The following F13A1 variants were observed in gnomAD, a reference collection of about 807,000 sequenced individuals.
F13A1 encodes the protein FSF, A subunit.
Under a neutral mutation model 80.1 loss-of-function variants are expected in F13A1, and 47 were observed. The ratio of observed to expected loss-of-function variants is 0.59; its 90% CI spans 0.46 to 0.75. The LOEUF (loss-of-function observed/expected upper bound fraction) is 0.75. Among genes scored for constraint, F13A1 ranks in the 30% least tolerant of loss-of-function variants. The probability of loss-of-function intolerance (pLI) is 0.00; values close to 1 mark genes in which losing one functional copy is unlikely to be tolerated. For missense variants in F13A1, 817 were observed against 930.4 expected (o/e 0.88, Z 1.59); for synonymous variants, 349 against 344.9 (o/e 1.01, Z -0.13).
At chr6:6,153,301 A>ATCTTCTCTG (rs1760412585) in intron 13 of F13A1, among the ~76,000 whole-genome samples, 1 of 152,234 alleles carries the variant, frequency 6.6e-6, no homozygotes, top group Non-Finnish European at 1.5e-5. Flanking sequence ...CCCAGAGAAG[A>ATCTTCTCTG]GGACCCTTGC....
chr6:6,281,762 G>A (rs1023608789), intron 3 of F13A1, among the ~76,000 whole-genome samples: 1 of 151,976 alleles, frequency 6.6e-6, no homozygotes, highest in African/African-American at 2.4e-5. Context: ...GGGAGGCCAA[G>A]GCAGGCAGAT....
intron 7 of F13A1, among the ~76,000 whole-genome samples, chr6:6,224,220 A>T (rs911810417): frequency 1.3e-5 from 2 of 152,228 alleles, no homozygotes; most frequent in Non-Finnish European, 2.9e-5. Context: ...AATACCTTCC[A>T]TAACTGGGAT....
intron 3 of F13A1, among the ~76,000 whole-genome samples, chr6:6,274,064 T>C (rs915064336): frequency 9.9e-5 from 15 of 152,238 alleles, no homozygotes; most frequent in African/African-American, 3.1e-4. Flanking sequence ...TATTTCCAGA[T>C]GTTTCCTAAA....
At chr6:6,252,820 C>A (rs140410450) in intron 4 of F13A1, among the ~76,000 whole-genome samples, 8 of 152,194 alleles carry the variant, frequency 5.3e-5, no homozygotes, top group South Asian at 2.1e-4. Context: ...AGTTTTGGAA[C>A]TTTGCATGCT....
rs558091259 is a variant in F13A1 at position 6,180,297 on chromosome 6, C to A, written c.1459+1691G>T. Among the ~76,000 whole-genome samples, 9 of 152,326 alleles carry A rather than the reference C, an allele frequency of 5.9e-5. No individual in the cohort carries two copies. In the East Asian group the frequency reaches 1.5e-3, roughly 26 times the overall value. On this transcript the variant is annotated intron_variant, in intron 11 of 14. Coordinates refer to ENST00000264870, the MANE Select transcript of F13A1 (RefSeq NM_000129.4). ...CCAACTGCCGATTCTTGGCTGAGAG[C>A]CTTTCTCTGTGCCCGGCAGCACCCG...
rs1760585304 is a variant in F13A1, at chr6:6,162,098, G to C, written c.1908+5360C>G. ...GAAAAAGCGGCTCCGACTTGTGGGA[G>C]AGCAGAGTTGACAATCATGTTACAT... is the stretch of plus-strand genomic sequence containing the variant. On this transcript the variant is annotated intron_variant, in intron 13 of 14. Transcript: ENST00000264870. This position sits in a 1 kb window ranked among gnomAD's most constrained non-coding sequence, Gnocchi z 4.2. Among the ~76,000 whole-genome samples, 1 of 152,206 alleles carries C rather than the reference G, an allele frequency of 6.6e-6. No individual in the cohort carries two copies. The highest frequency in any genetic ancestry group is 2.4e-5 in the African/African-American group (1 of 41,442).
chr6:6,305,446 A>T lies in F13A1; in HGVS notation c.224T>A (p.Leu75Gln). The change falls in exon 3 of 15, where the codon CTG becomes CAG. Residue 75 changes from leucine to glutamine, a missense_variant. By Grantham distance (113) the Leu-to-Gln change is moderately radical. Transcript: ENST00000264870. ...HHTDKYENNK[L>Q]IVRRGQSFYV... ...GAAAGACTGCCCTCTGCGGACAATC[A>T]GCTTGTTGTTTTCATACTTGTCAGT... The T allele has an allele frequency of 6.2e-7, 1 of 1,614,240 alleles. No individual in the cohort carries two copies. Among genetic ancestry groups the T allele is most frequent in the South Asian group, 1.1e-5 (1 of 91,090 alleles).
chr6:6,170,470 TAA>T (rs1178799708), intron 12 of F13A1, among the ~76,000 whole-genome samples: 1 of 152,212 alleles, frequency 6.6e-6, no homozygotes, highest in East Asian at 1.9e-4. Context: ...TTGTTCTAGA[TAA>T]AGTTTATTAA....
At chr6:6,151,768 C>T in intron 14 of F13A1, 45 bp downstream of exon 14, 2 of 1,613,298 alleles carry the variant, frequency 1.2e-6, no homozygotes, top group African/African-American at 1.3e-5. Flanking sequence ...GAAAGCTTCC[C>T]ACAGCCCTGC....
chr6:6,166,617 C>A (rs1760678534), intron 13 of F13A1, among the ~76,000 whole-genome samples: 1 of 152,204 alleles, frequency 6.6e-6, no homozygotes, highest in Non-Finnish European at 1.5e-5. Context: ...TGGGTTCCTG[C>A]TTCCAGGGCA....
intron 10 of F13A1, among the ~76,000 whole-genome samples, chr6:6,193,110 T>G (rs902584131): frequency 1.3e-5 from 2 of 150,804 alleles, no homozygotes; most frequent in African/African-American, 4.9e-5. Flanking sequence ...AAGGGAGGGG[T>G]AAGAGAAATA....
In F13A1 at chr6:6,160,854, C is replaced by CT. The variant is rs11318478; in HGVS notation, c.1908+6603dup. 2.2e-3 allele frequency among the ~76,000 whole-genome samples: 313 copies of CT among 144,840 alleles called. 5 individuals are homozygous for CT. Among genetic ancestry groups the CT allele is most frequent in the Middle Eastern group, 0.014 (4 of 276 alleles). The stretch of plus-strand genomic sequence containing the variant: ...CAGTCAATTGTCCTCATTTTAAAAG[C>CT]TTTTTTTTTTTTTGAAAAATTTGGA... On this transcript the variant is annotated intron_variant, in intron 13 of 14. Coordinates refer to ENST00000264870, the MANE Select transcript of F13A1 (RefSeq NM_000129.4).
chr6:6,192,087 T>C (rs140212931), intron 10 of F13A1, among the ~76,000 whole-genome samples: 1 of 152,330 alleles, frequency 6.6e-6, no homozygotes, highest in African/African-American at 2.4e-5. Flanking sequence ...GAGCAGTATG[T>C]CTAAAAGTGC....
chr6:6,163,126 A>T (rs1346970015), intron 13 of F13A1, among the ~76,000 whole-genome samples: 1 of 152,184 alleles, frequency 6.6e-6, no homozygotes, highest in African/African-American at 2.4e-5. Context: ...TCTGTCTCTC[A>T]CATAATTTCA....
In F13A1 at chr6:6,258,795, C is replaced by T. The variant is rs544734407; in HGVS notation, c.571+7763G>A. On this transcript the variant is annotated intron_variant, in intron 4 of 14. Transcript: ENST00000264870. Reference sequence around the variant, plus strand: ...TTTTCCATAAGCTTTATTAAAACTTCATAAAAATTCAATTAACCAACTATT... The same window carrying T: ...TTTTCCATAAGCTTTATTAAAACTTTATAAAAATTCAATTAACCAACTATT... 8.3e-4 allele frequency among the ~76,000 whole-genome samples: 127 copies of T among 152,246 alleles called. 1 individual carries two copies. The highest frequency in any genetic ancestry group is 2.7e-3 in the African/African-American group (114 of 41,564).
chr6:6,283,708 TTC>T (rs1758097658), intron 3 of F13A1, among the ~76,000 whole-genome samples: 2 of 152,214 alleles, frequency 1.3e-5, no homozygotes, highest in Non-Finnish European at 2.9e-5. Flanking sequence ...GTTTTTAAGT[TTC>T]TTAAGAGAAA....
intron 3 of F13A1, among the ~76,000 whole-genome samples, chr6:6,271,604 C>T (rs1391098956): frequency 1.3e-5 from 2 of 152,170 alleles, no homozygotes; most frequent in African/African-American, 4.8e-5. Flanking sequence ...AAAGGAATCC[C>T]GTTTTGTTTT....
intron 3 of F13A1, among the ~76,000 whole-genome samples, chr6:6,300,531 T>G (rs1187676080): frequency 1.3e-5 from 2 of 152,166 alleles, no homozygotes; most frequent in Non-Finnish European, 2.9e-5. Context: ...ACCCCTTTCT[T>G]TGACTCGGAA....
At chr6:6,190,093 C>T (rs1324293547) in intron 10 of F13A1, among the ~76,000 whole-genome samples, 1 of 152,226 alleles carries the variant, frequency 6.6e-6, no homozygotes, top group Middle Eastern at 3.4e-3. Context: ...TTAAGCACTT[C>T]TCTGTATTGG....
Sources: allele counts gnomAD v4.1 joint callset (sites outside exome capture counted in the v4.1 genomes callset), GRCh38; gene constraint gnomAD v4.1.1; non-coding constraint Gnocchi (gnomAD v3.1); transcripts MANE v1.5; gene names NCBI Gene and HGNC (gene_info 2026-07-23, HGNC 2026-07-21).